MYO3B: variants seen among roughly 807,000 people sequenced by gnomAD.
The protein encoded by MYO3B is myosin-IIIb.
In MYO3B, 156 loss-of-function variants were observed where a neutral mutation model predicts 174.6. That is an observed-to-expected ratio of 0.89 (90% confidence interval 0.78 to 1.02). The LOEUF (loss-of-function observed/expected upper bound fraction) is 1.02. Ranked by LOEUF, MYO3B falls within the 50% of genes least tolerant of loss-of-function variation. The probability of loss-of-function intolerance (pLI) is 0.00; values close to 1 mark genes in which losing one functional copy is unlikely to be tolerated. For synonymous variants in MYO3B, 563 were observed against 569.1 expected, an observed-to-expected ratio of 0.99 and a Z score of 0.15; for missense variants, 1,632 against 1,639.4, an observed-to-expected ratio of 1.00 and a Z score of 0.08.
chr2:170,451,100 C>T (rs1190673713), intron 23 of MYO3B, among the ~76,000 whole-genome samples: 1 of 152,178 alleles, frequency 6.6e-6, no homozygotes, highest in Non-Finnish European at 1.5e-5. Flanking sequence ...ACCATATTCC[C>T]ATGCCTTCTT....
At chr2:170,200,354 T>C (rs2092648078) in intron 3 of MYO3B, 70 bp downstream of exon 3, 1 of 1,542,004 alleles carries the variant, frequency 6.5e-7, no homozygotes, top group African/African-American at 1.4e-5. Flanking sequence ...CTTTATTACC[T>C]AGAGGGTGTT....
chr2:170,618,655 C>T (rs192725643), intron 32 of MYO3B, among the ~76,000 whole-genome samples: 17 of 152,134 alleles, frequency 1.1e-4, no homozygotes, highest in African/African-American at 3.1e-4. Flanking sequence ...GGGGGGTCAC[C>T]GCCTTCTGGT....
At chr2:170,186,972 C>A (rs1301083023) in intron 1 of MYO3B, among the ~76,000 whole-genome samples, 1 of 147,704 alleles carries the variant, frequency 6.8e-6, no homozygotes, top group East Asian at 2.0e-4. Flanking sequence ...GTAATGTCTC[C>A]TTTTCATCTC....
chr2:170,429,006 C>T (rs1372574184), intron 22 of MYO3B, among the ~76,000 whole-genome samples: 1 of 152,192 alleles, frequency 6.6e-6, no homozygotes, highest in African/African-American at 2.4e-5. Context: ...GAATCATAAT[C>T]CTGCACAATG....
chr2:170,218,712 T>C (rs1227391566), intron 6 of MYO3B, among the ~76,000 whole-genome samples: 1 of 152,244 alleles, frequency 6.6e-6, no homozygotes, highest in East Asian at 1.9e-4. Flanking sequence ...GCCAACTTAA[T>C]AGTAAACATA....
In MYO3B at chr2:170,403,047, A is replaced by C. The variant is rs6721953; in HGVS notation, c.2277+52A>C. 3,351 of 1,514,054 alleles carry C rather than the reference A, an allele frequency of 2.2e-3. 57 individuals are homozygous for C. The African/African-American group carries it at 0.039, about 18-fold the overall frequency. 93.8% of individuals were successfully genotyped at this position (1,514,054 alleles called of 1,614,324 possible). A position where few individuals can be genotyped will look rare whatever the true frequency, so the allele number is the denominator to read the frequency against. On this transcript the variant is annotated intron_variant, in intron 19 of 34. Coordinates refer to ENST00000408978, the MANE Select transcript of MYO3B (RefSeq NM_138995.5). The stretch of plus-strand genomic sequence containing the variant: ...ACTTGATGGGGAAAAGGTGTCTCCA[A>C]GCTGCCCACAATTTGTAGCAGAAAC...
chr2:170,473,404 C>A (rs943712719), intron 25 of MYO3B, among the ~76,000 whole-genome samples: 1 of 152,056 alleles, frequency 6.6e-6, no homozygotes, highest in African/African-American at 2.4e-5. Flanking sequence ...CCTCGGCCTC[C>A]CAAAGTACTG....
chr2:170,441,462 AT>A (rs2094800325), intron 22 of MYO3B, among the ~76,000 whole-genome samples: 1 of 152,238 alleles, frequency 6.6e-6, no homozygotes, highest in Non-Finnish European at 1.5e-5. Context: ...TGCACAAGAA[AT>A]AATTTGGGAT....
At chr2:170,504,374 G>A (rs1457850938) in intron 28 of MYO3B, among the ~76,000 whole-genome samples, 1 of 152,134 alleles carries the variant, frequency 6.6e-6, no homozygotes, top group South Asian at 2.1e-4. Flanking sequence ...AATTTAGGAA[G>A]CATTTGGCCT....
intron 7 of MYO3B, among the ~76,000 whole-genome samples, chr2:170,268,159 A>G (rs2093398314): frequency 6.6e-6 from 1 of 152,194 alleles, no homozygotes; most frequent in African/African-American, 2.4e-5. Flanking sequence ...GCAGTAAAAG[A>G]AAGAAACTAA....
At chr2:170,277,674 A>G (rs1191832032) in intron 7 of MYO3B, among the ~76,000 whole-genome samples, 1 of 152,050 alleles carries the variant, frequency 6.6e-6, no homozygotes, top group Non-Finnish European at 1.5e-5. Flanking sequence ...TACCTGTACT[A>G]TTTCATCTGA....
chr2:170,488,731 T>C (rs1435915936), intron 25 of MYO3B, among the ~76,000 whole-genome samples: 1 of 152,130 alleles, frequency 6.6e-6, no homozygotes, highest in African/African-American at 2.4e-5. Flanking sequence ...AGAATTTACA[T>C]ATCTATTTAT....
intron 22 of MYO3B, among the ~76,000 whole-genome samples, chr2:170,427,844 A>G (rs1267575035): frequency 6.6e-6 from 1 of 152,188 alleles, no homozygotes; most frequent in Non-Finnish European, 1.5e-5. Flanking sequence ...ACCCTTGAGT[A>G]CTTTCAGAGA....
At chr2:170,529,445 C>T (rs576517431) in intron 30 of MYO3B, among the ~76,000 whole-genome samples, 4 of 151,928 alleles carry the variant, frequency 2.6e-5, no homozygotes, top group African/African-American at 7.2e-5. Flanking sequence ...TCCCTCCCTT[C>T]CTTCTTCCTT....
chr2:170,494,666 T>G lies in MYO3B; in HGVS notation c.3015-3926T>G, dbSNP rs1686723943. Among the ~76,000 whole-genome samples the G allele has an allele frequency of 2.2e-5, 3 of 134,390 alleles. No individual in the cohort carries two copies. In the Admixed American group the frequency reaches 2.7e-4, roughly 12 times the overall value. 88.2% of individuals were successfully genotyped at this position (134,390 alleles called of 152,430 possible). A position where few individuals can be genotyped will look rare whatever the true frequency, so the allele number is the denominator to read the frequency against. On this transcript the variant is annotated intron_variant, in intron 25 of 34. Transcript: ENST00000408978. ...TTACTTGAACCTGGGAGGCAGAGGT[T>G]GCAGAGACCCCAGATCACACCGCTG...
intron 8 of MYO3B, among the ~76,000 whole-genome samples, chr2:170,362,744 C>T (rs1384291641): frequency 2.6e-5 from 4 of 152,166 alleles, no homozygotes; most frequent in Admixed American, 2.6e-4. Flanking sequence ...TGAGACTTTG[C>T]AACAGCATCA....
intron 25 of MYO3B, among the ~76,000 whole-genome samples, chr2:170,491,232 T>C (rs947384183): frequency 6.6e-6 from 1 of 152,146 alleles, no homozygotes; most frequent in Non-Finnish European, 1.5e-5. Flanking sequence ...TCTTGATACA[T>C]TGTATTTTCA....
intron 32 of MYO3B, among the ~76,000 whole-genome samples, chr2:170,645,935 C>T (rs910157020): frequency 6.6e-5 from 10 of 152,216 alleles, no homozygotes; most frequent in Admixed American, 1.3e-4. Flanking sequence ...AATTTCTTCT[C>T]GATTATTAAA....
chr2:170,645,176 A>T (rs1236171938), intron 32 of MYO3B, among the ~76,000 whole-genome samples: 1 of 152,176 alleles, frequency 6.6e-6, no homozygotes, highest in African/African-American at 2.4e-5. Flanking sequence ...TCACATTCTA[A>T]TGTGAATATT....
Sources: gnomAD v4.1 joint callset for allele counts (sites outside exome capture counted in the v4.1 genomes callset) on GRCh38, gnomAD v4.1.1 for gene constraint, MANE v1.5 for transcripts, NCBI Gene and HGNC (gene_info 2026-07-23, HGNC 2026-07-21) for gene names.